The following DOCK5 variants were observed in gnomAD, a reference collection of about 807,000 sequenced individuals.
DOCK5 encodes dedicator of cytokinesis protein 5.
In DOCK5, 142 loss-of-function variants were observed where a neutral mutation model predicts 251.8. The observed-to-expected ratio is 0.56, with a 90% confidence interval of 0.49 to 0.65. DOCK5 has a LOEUF of 0.65. Ranked by LOEUF, DOCK5 falls within the 30% of genes least tolerant of loss-of-function variation. The pLI, the probability that DOCK5 is intolerant of heterozygous loss-of-function variation, is 0.00. For synonymous variants in DOCK5, 842 were observed against 835.5 expected (o/e 1.01, Z -0.13); for missense variants, 2,111 against 2,312.3 (o/e 0.91, Z 1.79).
At position 25,401,072 on chromosome 8, in the gene DOCK5, C is replaced by T; in HGVS notation, c.4926+6C>T. Reference sequence around the variant, plus strand: ...ACTATGGGGTTATAACACTGGTAAGCATGATCTAAGTAGCCTTCACACCTT... The same window carrying T: ...ACTATGGGGTTATAACACTGGTAAGTATGATCTAAGTAGCCTTCACACCTT... On this transcript the variant is annotated splice_donor_region_variant and intron_variant, in intron 47 of 51. Transcript: ENST00000276440. 6.2e-7 allele frequency: 1 copy of T among 1,613,828 alleles called. No individual in the cohort carries two copies. Among genetic ancestry groups the T allele is most frequent in the Non-Finnish European group, 8.5e-7 (1 of 1,179,810 alleles).
In DOCK5 at chr8:25,369,701, A is replaced by C. The variant is rs138054580; in HGVS notation, c.3524+60A>C. On this transcript the variant is annotated intron_variant, in intron 34 of 51. Transcript: ENST00000276440. ...GTGTCATTTAGTAATAGAGAAAAACAGGGGTCCTGTTTCACCAATAGAGCA... is the reference window on the plus strand; with the variant it reads ...GTGTCATTTAGTAATAGAGAAAAACCGGGGTCCTGTTTCACCAATAGAGCA... 43 of 1,471,044 alleles carry C rather than the reference A, an allele frequency of 2.9e-5. No homozygotes were observed. The African/African-American group carries it at 5.2e-4, about 18-fold the overall frequency. The allele number at this position is 1,471,044 out of a possible 1,614,324, so 91.1% of individuals were successfully genotyped here. A position where few individuals can be genotyped will look rare whatever the true frequency, so the allele number is the denominator to read the frequency against.
chr8:25,372,816 C>CT, intron 35 of DOCK5, 98 bp downstream of exon 35: 1 of 1,224,734 alleles, frequency 8.2e-7, no homozygotes, highest in Non-Finnish European at 1.1e-6. Flanking sequence ...ACAGAGGCGC[C>CT]CTGAGGCACC....
chr8:25,282,626 A>G (rs139791466), intron 5 of DOCK5, among the ~76,000 whole-genome samples: 229 of 152,174 alleles, frequency 1.5e-3, no homozygotes, highest in African/African-American at 5.1e-3. Context: ...TGGGAGGTCA[A>G]GCCTGGGGGA....
chr8:25,319,729 C>A, intron 15 of DOCK5, 53 bp downstream of exon 15: 1 of 1,334,536 alleles, frequency 7.5e-7, no homozygotes, highest in Non-Finnish European at 1.0e-6. Flanking sequence ...CAGTTAGATT[C>A]CTATCTTCTG....
intron 3 of DOCK5, chr8:25,270,755 G>C: frequency 1.4e-6 from 1 of 705,190 alleles, no homozygotes; most frequent in South Asian, 1.5e-5. Context: ...AGTATCCTAT[G>C]ATTTTTTAAT....
At chr8:25,196,405 G>C (rs186605511) in intron 1 of DOCK5, among the ~76,000 whole-genome samples, 1 of 152,174 alleles carries the variant, frequency 6.6e-6, no homozygotes, top group Non-Finnish European at 1.5e-5. Flanking sequence ...TCTAATACAA[G>C]GAGTTGAGAT....
Position 25,320,839 on chromosome 8 carries a change from T to C in DOCK5, c.1543-141T>C, listed in dbSNP as rs1433529652. ...TTGATTTGAAAATAGCTCAGTCTCC[T>C]TTGAATGAAACCTATACCAAATCTC... On this transcript the variant is annotated intron_variant, in intron 15 of 51. Transcript: ENST00000276440. 6 of 674,628 alleles carry C rather than the reference T, an allele frequency of 8.9e-6. No individual in the cohort carries two copies. In the Admixed American group the frequency reaches 1.7e-4, roughly 19 times the overall value. 41.8% of individuals were successfully genotyped at this position (674,628 alleles called of 1,614,324 possible). A position where few individuals can be genotyped will look rare whatever the true frequency, so the allele number is the denominator to read the frequency against.
At chr8:25,364,574 G>T (rs1800742935) in intron 29 of DOCK5, 52 bp from the exon 30 acceptor site, 3 of 1,355,086 alleles carry the variant, frequency 2.2e-6, no homozygotes, top group Middle Eastern at 2.0e-4. Context: ...GGTGGGAAAA[G>T]GTTTCAAAGG....
chr8:25,331,814 AGAGAGAG>A, intron 18 of DOCK5, among the ~76,000 whole-genome samples: 1 of 27,118 alleles, frequency 3.7e-5, no homozygotes, highest in Non-Finnish European at 1.7e-4. Flanking sequence ...AGAGAGAGAG[AGAGAGAG>A]AGAGAGAGAG....
chr8:25,246,419 A>G (rs1586261467), intron 2 of DOCK5, among the ~76,000 whole-genome samples: 1 of 151,966 alleles, frequency 6.6e-6, no homozygotes, highest in Non-Finnish European at 1.5e-5. Context: ...GATTACAGAC[A>G]CCCGCCGCCA....
chr8:25,324,094 C>A (rs1180361678), intron 17 of DOCK5, 143 bp downstream of exon 17: 1 of 906,494 alleles, frequency 1.1e-6, no homozygotes, highest in Non-Finnish European at 1.6e-6. Flanking sequence ...ACCCAGAGGG[C>A]TCTGGGCCCT....
chr8:25,369,171 T>G (rs1800830470), intron 33 of DOCK5, among the ~76,000 whole-genome samples: 1 of 152,186 alleles, frequency 6.6e-6, no homozygotes, highest in Non-Finnish European at 1.5e-5. Context: ...ATCTACAAAG[T>G]GTATTAATAT....
chr8:25,327,010 G>T (rs986965711), intron 18 of DOCK5, among the ~76,000 whole-genome samples: 18 of 152,176 alleles, frequency 1.2e-4, no homozygotes, highest in African/African-American at 4.1e-4. Context: ...AGATTGCCTG[G>T]CTTCAAATCC....
intron 5 of DOCK5, among the ~76,000 whole-genome samples, chr8:25,282,306 C>T (rs375777989): frequency 1.3e-5 from 2 of 151,576 alleles, no homozygotes; most frequent in Admixed American, 6.6e-5. Context: ...CTTACTGAAA[C>T]GTTTCTGTAT....
intron 2 of DOCK5, among the ~76,000 whole-genome samples, chr8:25,267,327 A>G (rs1803783573): frequency 6.6e-6 from 1 of 152,184 alleles, no homozygotes; most frequent in Admixed American, 6.5e-5. Flanking sequence ...TCCCTGTAAA[A>G]TGTAGCAAAT....
intron 21 of DOCK5, among the ~76,000 whole-genome samples, chr8:25,335,351 T>C (rs1322695388): frequency 6.6e-6 from 1 of 152,154 alleles, no homozygotes; most frequent in Non-Finnish European, 1.5e-5. Flanking sequence ...GTGGTAGTAA[T>C]CTGGGTTTAC....
At chr8:25,197,873 C>T (rs1801774670) in intron 1 of DOCK5, among the ~76,000 whole-genome samples, 1 of 151,856 alleles carries the variant, frequency 6.6e-6, no homozygotes. Flanking sequence ...GCCTCAGCCT[C>T]CTGAGCAGCT....
intron 40 of DOCK5, among the ~76,000 whole-genome samples, chr8:25,384,952 C>T (rs1801137873): frequency 6.6e-6 from 1 of 152,100 alleles, no homozygotes; most frequent in Non-Finnish European, 1.5e-5. Context: ...TAAAAAAAAT[C>T]AGGAAAGACT....
intron 50 of DOCK5, 196 bp from the exon 51 acceptor site, chr8:25,409,903 T>C: frequency 1.9e-6 from 1 of 523,702 alleles, no homozygotes; most frequent in South Asian, 3.0e-5. Context: ...GTGGAGCTCT[T>C]GAAACTTCTG....
Sources: allele counts gnomAD v4.1 joint callset (sites outside exome capture counted in the v4.1 genomes callset), GRCh38; gene constraint gnomAD v4.1.1; transcripts MANE v1.5; gene names NCBI Gene and HGNC (gene_info 2026-07-23, HGNC 2026-07-21).